Variants in SLC30A4 observed in about 807,000 individuals in gnomAD.
SLC30A4 encodes the protein solute carrier family 30 member 4, also known as probable proton-coupled zinc antiporter SLC30A4.
In SLC30A4, 20 loss-of-function variants were observed where a neutral mutation model predicts 41.7. The ratio of observed to expected loss-of-function variants is 0.48; its 90% CI spans 0.34 to 0.70. The LOEUF (loss-of-function observed/expected upper bound fraction) is 0.70. Ranked by LOEUF, SLC30A4 falls within the 30% of genes least tolerant of loss-of-function variation. The pLI, the probability that SLC30A4 is intolerant of heterozygous loss-of-function variation, is 0.01. For synonymous variants in SLC30A4, 181 were observed against 195.9 expected, an observed-to-expected ratio of 0.92 and a Z score of 0.64; for missense variants, 441 against 529.3, an observed-to-expected ratio of 0.83 and a Z score of 1.64.
rs758802944 is a variant in SLC30A4 at position 45,511,226 on chromosome 15, G to A, written c.450C>T (p.Asp150=). 1.2e-6 allele frequency: 2 copies of A among 1,612,948 alleles called. No homozygotes were observed. The highest frequency in any genetic ancestry group is 2.2e-5 in the South Asian group (2 of 90,942). The change falls in exon 3 of 8, where the codon GAC becomes GAT. Residue 150 remains aspartate (D), a synonymous_variant. Transcript: ENST00000261867. ...IMTDALHMLT[D]LSAIILTLLA... is the part of the protein sequence containing the mutation. ...GCAGGGTGAGTATGATGGCGCTTAG[G>A]TCAGTTAACATATGAAGTGCATCTG...
At position 45,490,901 on chromosome 15, in the gene SLC30A4, T is replaced by C. The variant is rs565380064; in HGVS notation, c.539-20A>G. ...AAACCTCTAGAGGGAAAAACACATA[T>C]AACAAATACATTTTCAGCATGGTTA... On this transcript the variant is annotated intron_variant, in intron 3 of 7. Transcript: ENST00000261867. 21 of 1,511,774 alleles carry C rather than the reference T, an allele frequency of 1.4e-5. 1 individual carries two copies. In the South Asian group the frequency reaches 2.7e-4, roughly 19 times the overall value. 93.6% of individuals were successfully genotyped at this position (1,511,774 alleles called of 1,614,324 possible).
At chr15:45,521,893 C>A (rs900593095) in intron 2 of SLC30A4, 71 bp downstream of exon 2, 47 of 1,479,912 alleles carry the variant, frequency 3.2e-5, no homozygotes, top group Non-Finnish European at 4.3e-5. Flanking sequence ...ACCTCAAAGC[C>A]TGTGTAACTA....
At chr15:45,517,345 CTTTTTTTTTTTTTTTT>C (rs1166130286) in intron 2 of SLC30A4, among the ~76,000 whole-genome samples, 1 of 65,574 alleles carries the variant, frequency 1.5e-5, no homozygotes, top group Non-Finnish European at 2.7e-5. Flanking sequence ...CCAATCCATT[CTTTTTTTTTTTTTTTT>C]TTTTTTTTTG....
intron 2 of SLC30A4, among the ~76,000 whole-genome samples, chr15:45,512,711 T>C (rs767516310): frequency 1.3e-5 from 2 of 152,240 alleles, no homozygotes; most frequent in Non-Finnish European, 2.9e-5. Context: ...TATCATTTTA[T>C]AATGAGGATA....
At chr15:45,509,089 A>G (rs548193051) in intron 3 of SLC30A4, among the ~76,000 whole-genome samples, 1 of 152,272 alleles carries the variant, frequency 6.6e-6, no homozygotes, top group South Asian at 2.1e-4. Context: ...TTCCATGATG[A>G]TATGTTTACA....
In SLC30A4 at chr15:45,482,514, G is replaced by C. The variant is rs1891617910; in HGVS notation, c.*2649C>G. Reference sequence around the variant, plus strand: ...ACAGGTCGATACAAAAGCGAGATATGCCTTTATAAGATAAAGAAAAGTTTA... The same window carrying C: ...ACAGGTCGATACAAAAGCGAGATATCCCTTTATAAGATAAAGAAAAGTTTA... On this transcript the variant is annotated 3_prime_UTR_variant, in exon 8 of 8. Transcript: ENST00000261867. The C allele has an allele frequency of 6.6e-6, 1 of 151,968 alleles. No homozygotes were observed. The highest frequency in any genetic ancestry group is 2.4e-5 in the African/African-American group (1 of 41,380). 9.4% of individuals were successfully genotyped at this position (151,968 alleles called of 1,614,324 possible).
chr15:45,501,047 C>T (rs558860663), intron 3 of SLC30A4, among the ~76,000 whole-genome samples: 1 of 151,382 alleles, frequency 6.6e-6, no homozygotes, highest in African/African-American at 2.4e-5. Context: ...GTGGCTCACG[C>T]CTGTAATCCC....
rs537612747 is a variant in SLC30A4 at position 45,483,184 on chromosome 15, T to G, written c.*1979A>C. 86 of 152,342 alleles carry G rather than the reference T, an allele frequency of 5.6e-4. No individual in the cohort carries two copies. The highest frequency in any genetic ancestry group is 2.0e-3 in the African/African-American group (85 of 41,582). The allele number at this position is 152,342 out of a possible 1,614,324, so 9.4% of individuals were successfully genotyped here. The stretch of plus-strand genomic sequence containing the variant: ...CATTAACTCCCAACAATCTTATAGG[T>G]AAATCTGGGTTTTCTTATCTTAGGT... On this transcript the variant is annotated 3_prime_UTR_variant, in exon 8 of 8. Transcript: ENST00000261867.
At chr15:45,491,388 T>G (rs1337648164) in intron 3 of SLC30A4, among the ~76,000 whole-genome samples, 5 of 152,200 alleles carry the variant, frequency 3.3e-5, no homozygotes, top group Admixed American at 3.3e-4. Flanking sequence ...TTGTCACGTA[T>G]GTGATCACAG....
intron 3 of SLC30A4, among the ~76,000 whole-genome samples, chr15:45,492,552 G>A (rs1320769193): frequency 6.6e-6 from 1 of 151,890 alleles, no homozygotes; most frequent in Admixed American, 6.6e-5. Context: ...TTAATTAAAC[G>A]TTGTATATAA....
Position 45,488,971 on chromosome 15 carries a change from G to A in SLC30A4, c.764C>T (p.Thr255Ile), listed in dbSNP as rs1891757552. 1.2e-6 allele frequency: 2 copies of A among 1,614,116 alleles called. No homozygotes were observed. Among genetic ancestry groups the A allele is most frequent in the East Asian group, 2.2e-5 (1 of 44,886 alleles). The change falls in exon 5 of 8, where the codon ACC becomes ATC. Residue 255 changes from threonine to isoleucine, a missense_variant. Coordinates refer to ENST00000261867, the MANE Select transcript of SLC30A4 (RefSeq NM_013309.6). The part of the protein sequence containing the change: ...HSHSLPSNSP[T>I]RGSGCERNHG... ...GTTACGTTCACACCCAGAACCTCTG[G>A]TAGGGGAATTTGAAGGCAGGGAGTG...
chr15:45,514,590 C>T (rs370014489), intron 2 of SLC30A4, among the ~76,000 whole-genome samples: 6 of 147,478 alleles, frequency 4.1e-5, no homozygotes, highest in African/African-American at 1.5e-4. Context: ...TCTCAGCTCA[C>T]TGCAACCTCC....
At chr15:45,500,902 T>C (rs1050867465) in intron 3 of SLC30A4, among the ~76,000 whole-genome samples, 43 of 151,756 alleles carry the variant, frequency 2.8e-4, no homozygotes, top group Non-Finnish European at 5.2e-4. Context: ...CAGGCTAGTC[T>C]TGAACTTTTG....
At chr15:45,521,286 G>C (rs576515299) in intron 2 of SLC30A4, among the ~76,000 whole-genome samples, 1 of 152,282 alleles carries the variant, frequency 6.6e-6, no homozygotes, top group Admixed American at 6.5e-5. Context: ...AAGAAAACCA[G>C]GCTCATAGAA....
In SLC30A4 at chr15:45,487,569, T is replaced by A. The variant is rs1364658016; in HGVS notation, c.958A>T (p.Thr320Ser). Residue 320 changes from threonine (T) to serine (S), a missense_variant, in exon 6 of 8, where the codon ACA (threonine) becomes TCA (serine). Physicochemically the swap from Thr to Ser is moderately conservative, Grantham distance 58. This residue lies in a region of SLC30A4 where 29 missense variants were observed against 66.4 expected (regional missense o/e 0.44). Coordinates refer to ENST00000261867, the MANE Select transcript of SLC30A4 (RefSeq NM_013309.6). ...YVFSLLVAFT[T>S]FRIIWDTVVI... Reference sequence around the variant, plus strand: ...ACTGTATCCCATATGATTCGAAATGTTGTAAAAGCCACAAGTAATGAAAAT... The same window carrying A: ...ACTGTATCCCATATGATTCGAAATGATGTAAAAGCCACAAGTAATGAAAAT... 1.3e-6 allele frequency: 2 copies of A among 1,574,444 alleles called. No homozygotes were observed. Among genetic ancestry groups the A allele is most frequent in the African/African-American group, 2.7e-5 (2 of 73,784 alleles).
In SLC30A4 at chr15:45,483,545, G is replaced by A. The variant is rs1348928834; in HGVS notation, c.*1618C>T. The A allele has an allele frequency of 6.6e-6, 1 of 152,174 alleles. No individual in the cohort carries two copies. Among genetic ancestry groups the A allele is most frequent in the Non-Finnish European group, 1.5e-5 (1 of 68,024 alleles). 9.4% of individuals were successfully genotyped at this position (152,174 alleles called of 1,614,324 possible). ...CTCTGTTTAGTTTCCCTGCAACACA[G>A]ATTTAATGTCCATCCCTATCTAGTG... On this transcript the variant is annotated 3_prime_UTR_variant, in exon 8 of 8. Coordinates refer to ENST00000261867, the MANE Select transcript of SLC30A4 (RefSeq NM_013309.6).
chr15:45,490,955 T>A (rs1455929680), intron 3 of SLC30A4, 74 bp from the exon 4 acceptor site: 5 of 956,696 alleles, frequency 5.2e-6, no homozygotes, highest in Non-Finnish European at 7.5e-6. Context: ...AAATATTATA[T>A]AGTCTTTTTT....
chr15:45,505,622 T>C (rs1329148263), intron 3 of SLC30A4, among the ~76,000 whole-genome samples: 2 of 152,216 alleles, frequency 1.3e-5, no homozygotes, highest in Non-Finnish European at 2.9e-5. Flanking sequence ...TTCTATGTAC[T>C]GTTATAAAGT....
At position 45,485,051 on chromosome 15, in the gene SLC30A4, T is replaced by C; in HGVS notation, c.*112A>G. ...GGCAACTGTTTGAGAGACTGATGCT[T>C]GATACGGACACAGCTGTCAGGGATT... On this transcript the variant is annotated 3_prime_UTR_variant, in exon 8 of 8. Transcript: ENST00000261867. 1.3e-6 allele frequency: 1 copy of C among 769,230 alleles called. No individual in the cohort carries two copies. The highest frequency in any genetic ancestry group is 2.1e-6 in the Non-Finnish European group (1 of 478,724). 47.7% of individuals were successfully genotyped at this position (769,230 alleles called of 1,614,324 possible). A position where few individuals can be genotyped will look rare whatever the true frequency, so the allele number is the denominator to read the frequency against.
Sources: allele counts gnomAD v4.1 joint callset (sites outside exome capture counted in the v4.1 genomes callset), GRCh38; gene constraint gnomAD v4.1.1; regional missense constraint gnomAD v4.1.1; transcripts MANE v1.5; gene names NCBI Gene and HGNC (gene_info 2026-07-23, HGNC 2026-07-21).